Variants in ZBTB20 observed in about 807,000 individuals in gnomAD.
ZBTB20 encodes the protein zinc finger and BTB domain containing 20.
ZBTB20 carries 9 observed loss-of-function variants against 56.9 expected under a neutral mutation model. The ratio of observed to expected loss-of-function variants is 0.16; its 90% CI spans 0.10 to 0.28. The LOEUF is 0.28. Among genes scored for constraint, ZBTB20 ranks in the 10% least tolerant of loss-of-function variants. ZBTB20 has a pLI of 1.00. For missense variants in ZBTB20, 655 were observed against 1,003.0 expected (o/e 0.65, Z 4.69); for synonymous variants, 417 against 420.7 (o/e 0.99, Z 0.11).
intron 5 of ZBTB20, chr3:114,791,837 G>C (rs933295224): frequency 6.6e-6 from 1 of 151,984 alleles, no homozygotes; most frequent in Non-Finnish European, 1.5e-5. Flanking sequence ...TATTAAAAAA[G>C]GTTATAACTG....
intron 3 of ZBTB20, among the ~76,000 whole-genome samples, chr3:114,923,586 G>T (rs1698891374): frequency 6.6e-6 from 1 of 152,062 alleles, no homozygotes; most frequent in African/African-American, 2.4e-5. Flanking sequence ...ATGAATTAAA[G>T]ATTTAAATTT....
At chr3:114,840,363 A>T (rs1579103199) in intron 4 of ZBTB20, among the ~76,000 whole-genome samples, 1 of 152,376 alleles carries the variant, frequency 6.6e-6, no homozygotes, top group East Asian at 1.9e-4. Context: ...TAATTAGAAC[A>T]TATGGGATTG....
chr3:114,927,118 T>C (rs2076187468), intron 3 of ZBTB20, among the ~76,000 whole-genome samples: 1 of 152,206 alleles, frequency 6.6e-6, no homozygotes, highest in South Asian at 2.1e-4. Flanking sequence ...TCCCATTCTA[T>C]TCAAAGTCAT....
intron 3 of ZBTB20, among the ~76,000 whole-genome samples, chr3:114,934,467 A>T (rs17628888): frequency 0.021 from 3,205 of 152,178 alleles, 48 homozygotes; most frequent in Middle Eastern, 0.071. Flanking sequence ...TGCCTTATAT[A>T]TTTTTGAACC....
chr3:114,623,516 G>T (rs574136199), intron 6 of ZBTB20, among the ~76,000 whole-genome samples: 1 of 152,134 alleles, frequency 6.6e-6, no homozygotes, highest in Non-Finnish European at 1.5e-5. Context: ...AAAGAAGAGG[G>T]TGTGACAAAT....
chr3:114,843,802 G>C (rs1179791042), intron 4 of ZBTB20, among the ~76,000 whole-genome samples: 1 of 151,444 alleles, frequency 6.6e-6, no homozygotes, highest in African/African-American at 2.4e-5. Context: ...TCAGCCTCCT[G>C]AGTATCTGGG....
chr3:114,833,061 A>T (rs1240320226), intron 4 of ZBTB20, among the ~76,000 whole-genome samples: 2 of 152,294 alleles, frequency 1.3e-5, no homozygotes, highest in African/African-American at 4.8e-5. Context: ...AGAAGGTAGA[A>T]ATCCTAGAAA....
At chr3:114,447,429 A>G (rs547012395) in intron 7 of ZBTB20, among the ~76,000 whole-genome samples, 2 of 152,358 alleles carry the variant, frequency 1.3e-5, no homozygotes, top group African/African-American at 4.8e-5. Context: ...TAGCTAATGA[A>G]TAAGTGTATT....
At chr3:114,518,189 C>T (rs944250270) in intron 6 of ZBTB20, among the ~76,000 whole-genome samples, 6 of 152,010 alleles carry the variant, frequency 3.9e-5, no homozygotes, top group African/African-American at 7.2e-5. Context: ...ATGAAGTTTT[C>T]GGTTTCTTCT....
chr3:115,033,639 T>C (rs1411531454), intron 2 of ZBTB20, among the ~76,000 whole-genome samples: 1 of 151,464 alleles, frequency 6.6e-6, no homozygotes, highest in Middle Eastern at 3.2e-3. Context: ...GATGAATAGA[T>C]AAAGAAGATG....
Position 114,676,062 on chromosome 3 carries a change from G to A in ZBTB20, c.-295+17466C>T, listed in dbSNP as rs114451193. On this transcript the variant is annotated intron_variant, in intron 6 of 11. Coordinates refer to ENST00000675478, the MANE Select transcript of ZBTB20 (RefSeq NM_001348800.3). ...TTGCCCAAGATCACACAGTCAGTAAGTAGAGGAGTCAGGATTCAAACCTAG... is the reference window on the plus strand; with the variant it reads ...TTGCCCAAGATCACACAGTCAGTAAATAGAGGAGTCAGGATTCAAACCTAG... Among the ~76,000 whole-genome samples the A allele has an allele frequency of 1.5e-3, 221 of 152,256 alleles. 2 individuals are homozygous for A. Among genetic ancestry groups the A allele is most frequent in the South Asian group, 0.01 (49 of 4,820 alleles).
intron 5 of ZBTB20, among the ~76,000 whole-genome samples, chr3:114,700,514 A>C (rs2063328815): frequency 6.6e-6 from 1 of 152,160 alleles, no homozygotes; most frequent in African/African-American, 2.4e-5. Context: ...AAAGACAGAG[A>C]GCAAAGGCTC....
At chr3:114,856,932 A>G (rs2075280358) in intron 4 of ZBTB20, among the ~76,000 whole-genome samples, 1 of 152,182 alleles carries the variant, frequency 6.6e-6, no homozygotes, top group Non-Finnish European at 1.5e-5. Context: ...GGAGGAAGAA[A>G]AGGCCGTGCT....
chr3:114,715,251 T>G (rs1007880818), intron 5 of ZBTB20, among the ~76,000 whole-genome samples: 1 of 152,184 alleles, frequency 6.6e-6, no homozygotes, highest in African/African-American at 2.4e-5. Flanking sequence ...ACTTGGCCAT[T>G]TCCTGTAGCA....
rs751905892 is a variant in ZBTB20, at chr3:114,380,208, T to G, written c.199+9A>C. On this transcript the variant is annotated intron_variant, in intron 10 of 11. Transcript: ENST00000675478. ...TGCAAAGACACCATCACCTTAGTGG[T>G]GTACTCACAATCAGATGACCCGGTG... 1.1e-5 allele frequency: 17 copies of G among 1,533,970 alleles called. No homozygotes were observed. Among genetic ancestry groups the G allele is most frequent in the Non-Finnish European group, 1.7e-6 (2 of 1,145,230 alleles).
intron 6 of ZBTB20, among the ~76,000 whole-genome samples, chr3:114,605,293 A>C (rs969533654): frequency 1.2e-4 from 19 of 152,302 alleles, no homozygotes; most frequent in African/African-American, 4.6e-4. Flanking sequence ...CATCTAGAAC[A>C]ATCTAGAAGC....
chr3:114,428,174 C>A (rs1345672465), intron 7 of ZBTB20, among the ~76,000 whole-genome samples: 1 of 152,184 alleles, frequency 6.6e-6, no homozygotes, highest in African/African-American at 2.4e-5. Flanking sequence ...CAACAAAGTA[C>A]TGTACCATAG....
At chr3:114,550,081 G>C (rs575130755) in intron 6 of ZBTB20, among the ~76,000 whole-genome samples, 199 of 152,080 alleles carry the variant, frequency 1.3e-3, no homozygotes, top group Non-Finnish European at 2.4e-3. Flanking sequence ...GGGACTACAG[G>C]TGCCCGCCAC....
At chr3:114,555,454 G>C (rs1015737427) in intron 6 of ZBTB20, among the ~76,000 whole-genome samples, 1 of 151,992 alleles carries the variant, frequency 6.6e-6, no homozygotes, top group African/African-American at 2.4e-5. Flanking sequence ...ATATAATATT[G>C]TGACAGGATG....
Sources: gnomAD v4.1 joint callset for allele counts (sites outside exome capture counted in the v4.1 genomes callset) on GRCh38, gnomAD v4.1.1 for gene constraint, MANE v1.5 for transcripts, NCBI Gene and HGNC (gene_info 2026-07-23, HGNC 2026-07-21) for gene names.